GUCY1A2: variants seen among roughly 807,000 people sequenced by gnomAD.
GUCY1A2 encodes guanylate cyclase 1 soluble subunit alpha 2.
In GUCY1A2, 27 loss-of-function variants were observed where a neutral mutation model predicts 63.5. The ratio of observed to expected loss-of-function variants is 0.43; its 90% CI spans 0.31 to 0.59. The LOEUF (loss-of-function observed/expected upper bound fraction) is 0.59, where lower values mean the gene tolerates loss of function less well. Among genes scored for constraint, GUCY1A2 ranks in the 20% least tolerant of loss-of-function variants. The pLI, the probability that GUCY1A2 is intolerant of heterozygous loss-of-function variation, is 0.11. For missense variants in GUCY1A2, 768 were observed against 913.3 expected (o/e 0.84, Z 2.05); for synonymous variants, 364 against 343.5 (o/e 1.06, Z -0.66).
At chr11:106,744,374 G>T (rs1863750773) in intron 6 of GUCY1A2, among the ~76,000 whole-genome samples, 1 of 151,534 alleles carries the variant, frequency 6.6e-6, no homozygotes, top group Non-Finnish European at 1.5e-5. Context: ...AGCCTCCTGA[G>T]TAGCTGGGAC....
At chr11:106,902,910 G>A (rs117028031) in intron 4 of GUCY1A2, among the ~76,000 whole-genome samples, 54 of 152,208 alleles carry the variant, frequency 3.5e-4, no homozygotes, top group Non-Finnish European at 6.6e-4. Flanking sequence ...TTGAGCATCC[G>A]TGGATTTTGG....
At chr11:106,827,626 G>A (rs1418700639) in intron 4 of GUCY1A2, 1 of 1,526,218 alleles carries the variant, frequency 6.6e-7, no homozygotes, top group African/African-American at 1.4e-5. Flanking sequence ...CTCTTCAGTT[G>A]CTTTACGCCA....
At position 106,687,748 on chromosome 11, in the gene GUCY1A2, T is replaced by C; in HGVS notation, c.2000A>G (p.Lys667Arg). The C allele has an allele frequency of 6.2e-7, 1 of 1,604,454 alleles. No individual in the cohort carries two copies. Among genetic ancestry groups the C allele is most frequent in the African/African-American group, 1.3e-5 (1 of 74,836 alleles). The change falls in exon 8 of 8, where the codon AAA becomes AGA. Residue 667 changes from lysine (K) to arginine (R), a missense_variant. Physicochemically the swap from Lys to Arg is conservative, Grantham distance 26. Around this residue, in one of 3 missense-constraint regions of GUCY1A2, gnomAD observed 150 missense variants for 188.3 expected, o/e 0.80. Transcript: ENST00000526355. Reference sequence around the variant, plus strand: ...AATGAATGTGAAACTTTCTTCTCGTTTTAATAATCTAAGAAGAAAATACAG... The same window carrying C: ...AATGAATGTGAAACTTTCTTCTCGTCTTAATAATCTAAGAAGAAAATACAG... ...NVSPTTYQLL[K>R]REESFTFIPR... is the part of the protein sequence containing the mutation.
intron 5 of GUCY1A2, among the ~76,000 whole-genome samples, chr11:106,788,302 G>A (rs187544719): frequency 8.6e-5 from 13 of 151,976 alleles, no homozygotes; most frequent in Admixed American, 7.2e-4. Flanking sequence ...CTTGTTAGAT[G>A]GGTAGTTTGC....
chr11:106,796,637 G>A (rs1345106506), intron 5 of GUCY1A2, among the ~76,000 whole-genome samples: 2 of 152,148 alleles, frequency 1.3e-5, no homozygotes, highest in Non-Finnish European at 2.9e-5. Flanking sequence ...TTTCTGCTGA[G>A]AGATCAGCTG....
intron 6 of GUCY1A2, among the ~76,000 whole-genome samples, chr11:106,713,673 A>G (rs949994856): frequency 7.3e-5 from 11 of 151,592 alleles, no homozygotes; most frequent in African/African-American, 1.2e-4. Context: ...CGCCTAGCTA[A>G]TTTATTGTAT....
At chr11:106,687,991 G>A (rs1862558883) in intron 7 of GUCY1A2, among the ~76,000 whole-genome samples, 1 of 152,134 alleles carries the variant, frequency 6.6e-6, no homozygotes, top group Admixed American at 6.5e-5. Context: ...GGTACTACCT[G>A]AAAATATTTG....
At chr11:106,794,730 AAT>A (rs1419231573) in intron 5 of GUCY1A2, among the ~76,000 whole-genome samples, 1 of 152,180 alleles carries the variant, frequency 6.6e-6, no homozygotes, top group Middle Eastern at 3.2e-3. Context: ...TAAATATCTC[AAT>A]AGTGTTATTA....
intron 1 of GUCY1A2, among the ~76,000 whole-genome samples, chr11:107,016,829 A>G (rs1861830210): frequency 6.6e-6 from 1 of 151,548 alleles, no homozygotes; most frequent in Admixed American, 6.6e-5. Context: ...AGCTAATGTG[A>G]GAGAGAAAGC....
intron 6 of GUCY1A2, among the ~76,000 whole-genome samples, chr11:106,746,060 C>T (rs1164371231): frequency 3.9e-5 from 6 of 152,100 alleles, no homozygotes; most frequent in African/African-American, 1.4e-4. Flanking sequence ...AGTATTTTCT[C>T]TTTGGCTAAA....
chr11:106,742,256 G>A (rs1448233118), intron 6 of GUCY1A2, among the ~76,000 whole-genome samples: 1 of 152,080 alleles, frequency 6.6e-6, no homozygotes, highest in Non-Finnish European at 1.5e-5. Context: ...ATGTGCTATG[G>A]TGGTTTGCTG....
At chr11:106,929,596 G>A (rs1360470210) in intron 4 of GUCY1A2, among the ~76,000 whole-genome samples, 1 of 151,912 alleles carries the variant, frequency 6.6e-6, no homozygotes, top group Non-Finnish European at 1.5e-5. Context: ...CAAAAATAAC[G>A]TGATCATATT....
rs544433019 is a variant in GUCY1A2 at position 106,744,025 on chromosome 11, C to T, written c.1836+32414G>A. Among the ~76,000 whole-genome samples, 14 of 152,138 alleles carry T rather than the reference C, an allele frequency of 9.2e-5. No homozygotes were observed. In the East Asian group the frequency reaches 9.7e-4, roughly 11 times the overall value. On this transcript the variant is annotated intron_variant, in intron 6 of 7. Transcript: ENST00000526355. ...ATTTAGAAACTAGCTCAGGAATGAACGACCAAGAAGACCATGGATGTATAA... is the reference window on the plus strand; with the variant it reads ...ATTTAGAAACTAGCTCAGGAATGAATGACCAAGAAGACCATGGATGTATAA...
At chr11:107,007,489 C>G (rs892588636) in intron 1 of GUCY1A2, among the ~76,000 whole-genome samples, 3 of 152,162 alleles carry the variant, frequency 2.0e-5, no homozygotes, top group African/African-American at 7.2e-5. Flanking sequence ...CCCCAAACAC[C>G]TCAAGCTCAA....
chr11:106,934,887 C>T (rs1053254093), intron 4 of GUCY1A2, among the ~76,000 whole-genome samples: 2 of 152,072 alleles, frequency 1.3e-5, no homozygotes, highest in African/African-American at 2.4e-5. Flanking sequence ...TCTCAAAATC[C>T]GTTGCTGCTT....
intron 4 of GUCY1A2, among the ~76,000 whole-genome samples, chr11:106,903,729 C>A (rs2226874): frequency 0.16 from 23,818 of 152,172 alleles, 2,172 homozygotes; most frequent in South Asian, 0.27. Context: ...GTGATAAAGA[C>A]ATTTCTGTGA....
At chr11:106,921,600 GC>G (rs1860445255) in intron 4 of GUCY1A2, among the ~76,000 whole-genome samples, 1 of 151,846 alleles carries the variant, frequency 6.6e-6, no homozygotes, top group African/African-American at 2.4e-5. Flanking sequence ...CTCATCGATG[GC>G]CCCACAACAC....
At chr11:106,847,494 T>C (rs1859292358) in intron 4 of GUCY1A2, among the ~76,000 whole-genome samples, 1 of 151,302 alleles carries the variant, frequency 6.6e-6, no homozygotes, top group South Asian at 2.1e-4. Context: ...AACTAAGAAC[T>C]ATACACAAAT....
At chr11:106,976,158 A>T (rs1861259051) in intron 3 of GUCY1A2, among the ~76,000 whole-genome samples, 1 of 152,146 alleles carries the variant, frequency 6.6e-6, no homozygotes, top group Admixed American at 6.6e-5. Context: ...AGAGAAATAT[A>T]TGTTTGCCAA....
Sources: allele counts gnomAD v4.1 joint callset (sites outside exome capture counted in the v4.1 genomes callset), GRCh38; gene constraint gnomAD v4.1.1; regional missense constraint gnomAD v4.1.1; transcripts MANE v1.5; gene names NCBI Gene and HGNC (gene_info 2026-07-23, HGNC 2026-07-21).